Variants in SNX29 observed in about 807,000 individuals in gnomAD.
SNX29 encodes the protein sorting nexin-29.
A neutral mutation model predicts 102.1 loss-of-function variants in SNX29; 78 were observed. The ratio of observed to expected loss-of-function variants is 0.76; its 90% CI spans 0.64 to 0.92. SNX29 has a LOEUF of 0.92. SNX29 is among the 40% of genes least tolerant of loss of function. SNX29 has a pLI of 0.00. For synonymous variants in SNX29, 580 were observed against 414.5 expected (o/e 1.40, Z -4.85); for missense variants, 1,280 against 1,061.7 (o/e 1.21, Z -2.86).
chr16:12,034,764 A>T (rs1321926729), intron 4 of SNX29, among the ~76,000 whole-genome samples: 3 of 152,174 alleles, frequency 2.0e-5, no homozygotes, highest in Admixed American at 6.5e-5. Flanking sequence ...TAATCCCAGC[A>T]CTTTGGGAGG....
intron 11 of SNX29, among the ~76,000 whole-genome samples, chr16:12,110,180 A>T (rs1482164309): frequency 6.6e-6 from 1 of 152,116 alleles, no homozygotes; most frequent in Non-Finnish European, 1.5e-5. Flanking sequence ...TAAAGCTGCA[A>T]ATGGCTCTCA....
chr16:12,436,718 A>C (rs2085556448), intron 18 of SNX29, among the ~76,000 whole-genome samples: 1 of 152,230 alleles, frequency 6.6e-6, no homozygotes, highest in African/African-American at 2.4e-5. Flanking sequence ...AGGCTGGAGT[A>C]CAGTGGCTCA....
At chr16:12,013,500 A>AAAAATATATATATATAT in intron 3 of SNX29, among the ~76,000 whole-genome samples, 4 of 31,622 alleles carry the variant, frequency 1.3e-4, no homozygotes, top group Non-Finnish European at 1.2e-4. Flanking sequence ...AAAAAAAAAA[A>AAAAATATATATATATAT]ATATATATAT....
chr16:12,564,085 A>C (rs185670930), intron 20 of SNX29, among the ~76,000 whole-genome samples: 2 of 149,882 alleles, frequency 1.3e-5, no homozygotes, highest in Non-Finnish European at 2.9e-5. Flanking sequence ...GGAGTTTGTA[A>C]TATCTTTGTA....
chr16:12,561,246 C>T (rs758933996), intron 20 of SNX29: 9 of 230,074 alleles, frequency 3.9e-5, no homozygotes, highest in Non-Finnish European at 5.2e-5. Context: ...AAGGCCACTC[C>T]CTCCCACTCC....
intron 14 of SNX29, among the ~76,000 whole-genome samples, chr16:12,244,252 C>T (rs534528328): frequency 1.3e-5 from 2 of 152,286 alleles, no homozygotes; most frequent in African/African-American, 4.8e-5. Flanking sequence ...AGACCCCTGC[C>T]TTAGGGTGCC....
chr16:12,213,442 A>G (rs2077240549), intron 14 of SNX29, among the ~76,000 whole-genome samples: 1 of 152,220 alleles, frequency 6.6e-6, no homozygotes, highest in Admixed American at 6.5e-5. Flanking sequence ...CATTCAAGTC[A>G]CCAAAAGCCA....
At chr16:12,005,226 C>T (rs1209897818) in intron 3 of SNX29, among the ~76,000 whole-genome samples, 1 of 152,110 alleles carries the variant, frequency 6.6e-6, no homozygotes, top group East Asian at 1.9e-4. Context: ...CAATTTAGTC[C>T]TTCTTGAGGG....
intron 13 of SNX29, among the ~76,000 whole-genome samples, chr16:12,195,008 A>G (rs1330638497): frequency 4.6e-5 from 7 of 152,204 alleles, no homozygotes. Context: ...AAAAATTTCC[A>G]ATTAATTTTA....
intron 15 of SNX29, among the ~76,000 whole-genome samples, chr16:12,303,044 TAGATA>T (rs2080228275): frequency 6.6e-6 from 1 of 152,212 alleles, no homozygotes; most frequent in East Asian, 1.9e-4. Flanking sequence ...TGAAGTAAGC[TAGATA>T]AAAGGCAGAA....
chr16:12,492,350 A>G (rs372416646), intron 19 of SNX29, among the ~76,000 whole-genome samples: 4 of 152,200 alleles, frequency 2.6e-5, no homozygotes, highest in South Asian at 2.1e-4. Flanking sequence ...GTCTGTTCAT[A>G]TCCTTCGCCC....
Position 12,573,820 on chromosome 16 carries a change from G to A in SNX29, c.*5191G>A, listed in dbSNP as rs763979661. 3.7e-5 allele frequency: 8 copies of A among 217,326 alleles called. No individual in the cohort carries two copies. Among genetic ancestry groups the A allele is most frequent in the Admixed American group, 1.2e-4 (2 of 17,274 alleles). 13.5% of individuals were successfully genotyped at this position (217,326 alleles called of 1,614,324 possible). A position where few individuals can be genotyped will look rare whatever the true frequency, so the allele number is the denominator to read the frequency against. On this transcript the variant is annotated 3_prime_UTR_variant, in exon 21 of 21. Coordinates refer to ENST00000566228, the MANE Select transcript of SNX29 (RefSeq NM_032167.5). ...GAAGGGGATGGGGGTAGAGCTAATT[G>A]GAATTTTTATTATCCAGGACTCATC...
At chr16:12,159,389 T>A (rs546238288) in intron 13 of SNX29, among the ~76,000 whole-genome samples, 2 of 152,250 alleles carry the variant, frequency 1.3e-5, no homozygotes, top group Admixed American at 6.5e-5. Flanking sequence ...AGATGCAAGA[T>A]GATTTTGAGA....
intron 19 of SNX29, among the ~76,000 whole-genome samples, chr16:12,518,255 C>A (rs1239779632): frequency 1.3e-5 from 2 of 152,110 alleles, no homozygotes; most frequent in African/African-American, 4.8e-5. Flanking sequence ...CTGATGCCTC[C>A]CACCTCCCGT....
intron 14 of SNX29, among the ~76,000 whole-genome samples, chr16:12,212,896 C>T (rs2077224490): frequency 6.6e-6 from 1 of 152,184 alleles, no homozygotes; most frequent in Non-Finnish European, 1.5e-5. Context: ...GTTGAATCAC[C>T]TGCGGTCAGG....
chr16:12,386,745 C>T (rs112237404), intron 16 of SNX29, among the ~76,000 whole-genome samples: 46 of 152,218 alleles, frequency 3.0e-4, no homozygotes, highest in African/African-American at 1.1e-3. Context: ...TGCCTGCTCA[C>T]TGTTAATAAG....
intron 20 of SNX29, among the ~76,000 whole-genome samples, chr16:12,544,834 C>T (rs144313532): frequency 6.6e-6 from 1 of 152,210 alleles, no homozygotes; most frequent in African/African-American, 2.4e-5. Flanking sequence ...AGCAAGAACT[C>T]CTTGGGGAAA....
At chr16:12,464,966 A>T (rs139655827) in intron 18 of SNX29, among the ~76,000 whole-genome samples, 5 of 152,148 alleles carry the variant, frequency 3.3e-5, no homozygotes, top group Non-Finnish European at 2.9e-5. Context: ...GTGGTATCTC[A>T]TTGTGGTTCC....
In SNX29 at chr16:12,571,089, C is replaced by G. The variant is rs28605243; in HGVS notation, c.*2460C>G. 2 of 232,344 alleles carry G rather than the reference C, an allele frequency of 8.6e-6. No individual in the cohort carries two copies. The highest frequency in any genetic ancestry group is 1.7e-5 in the Non-Finnish European group (2 of 117,614). The allele number at this position is 232,344 out of a possible 1,614,324, so 14.4% of individuals were successfully genotyped here. The stretch of plus-strand genomic sequence containing the variant: ...TGGCCCGCACATGACAGCAACTCCC[C>G]GAAGCCTTCCCTTTGGAATCCCATA... On this transcript the variant is annotated 3_prime_UTR_variant, in exon 21 of 21. Transcript: ENST00000566228.
Sources: allele counts gnomAD v4.1 joint callset (sites outside exome capture counted in the v4.1 genomes callset), GRCh38; gene constraint gnomAD v4.1.1; transcripts MANE v1.5; gene names NCBI Gene and HGNC (gene_info 2026-07-23, HGNC 2026-07-21).